The following VPS13A variants were observed in gnomAD, a reference collection of about 807,000 sequenced individuals.
The protein encoded by VPS13A is intermembrane lipid transfer protein VPS13A.
VPS13A carries 264 observed loss-of-function variants against 390.9 expected under a neutral mutation model. The ratio of observed to expected loss-of-function variants is 0.68; its 90% CI spans 0.61 to 0.75. VPS13A has a LOEUF of 0.75. Ranked by LOEUF, VPS13A falls within the 30% of genes least tolerant of loss-of-function variation. The pLI is 0.00. For synonymous variants in VPS13A, 1,231 were observed against 1,227.1 expected (o/e 1.00, Z -0.07); for missense variants, 3,409 against 3,733.9 (o/e 0.91, Z 2.27).
At chr9:77,204,693 C>T (rs7866780) in intron 3 of VPS13A, among the ~76,000 whole-genome samples, 205 of 152,236 alleles carry the variant, frequency 1.3e-3, no homozygotes, top group African/African-American at 4.7e-3. Flanking sequence ...GTAGCATGAT[C>T]ATGGCTCACT....
chr9:77,286,713 A>C (rs1347878387), intron 31 of VPS13A, among the ~76,000 whole-genome samples: 1 of 152,172 alleles, frequency 6.6e-6, no homozygotes, highest in Non-Finnish European at 1.5e-5. Context: ...TAGACATCAC[A>C]GTTGATGGTC....
intron 31 of VPS13A, among the ~76,000 whole-genome samples, chr9:77,286,491 A>G (rs1472611628): frequency 6.6e-6 from 1 of 152,174 alleles, no homozygotes; most frequent in Non-Finnish European, 1.5e-5. Flanking sequence ...ATCCTTATTT[A>G]TATTTGCAGG....
intron 32 of VPS13A, among the ~76,000 whole-genome samples, chr9:77,295,279 T>G (rs1827914002): frequency 6.6e-6 from 1 of 152,142 alleles, no homozygotes; most frequent in Admixed American, 6.5e-5. Flanking sequence ...ATAAGGGAAG[T>G]AGATATCTGT....
intron 1 of VPS13A, among the ~76,000 whole-genome samples, chr9:77,179,991 A>G (rs1172935890): frequency 6.6e-6 from 1 of 152,080 alleles, no homozygotes; most frequent in Non-Finnish European, 1.5e-5. Context: ...GGCTTCTTTA[A>G]CCTAATGTAT....
At chr9:77,193,626 T>A (rs1824816623) in intron 1 of VPS13A, among the ~76,000 whole-genome samples, 1 of 152,054 alleles carries the variant, frequency 6.6e-6, no homozygotes, top group Non-Finnish European at 1.5e-5. Flanking sequence ...AGGGCAAAAC[T>A]CTCTCTTCAA....
intron 12 of VPS13A, 104 bp from the exon 13 acceptor site, chr9:77,221,081 A>T: frequency 9.0e-7 from 1 of 1,113,860 alleles, no homozygotes; most frequent in Non-Finnish European, 1.3e-6. Context: ...TCATTTTCCT[A>T]ATCTTTGTAT....
chr9:77,412,606 A>C (rs1462719693), intron 71 of VPS13A, among the ~76,000 whole-genome samples: 1 of 152,216 alleles, frequency 6.6e-6, no homozygotes, highest in Non-Finnish European at 1.5e-5. Context: ...TCTCAAAATA[A>C]TAAGAGCTAT....
intron 52 of VPS13A, among the ~76,000 whole-genome samples, chr9:77,350,346 T>A (rs1419015475): frequency 6.6e-6 from 1 of 152,182 alleles, no homozygotes; most frequent in Non-Finnish European, 1.5e-5. Context: ...AACAAAAAAA[T>A]GACTTTCTTA....
intron 1 of VPS13A, chr9:77,178,190 G>T: frequency 3.7e-6 from 1 of 273,250 alleles, no homozygotes; most frequent in Non-Finnish European, 7.1e-6. Flanking sequence ...TCCTGGGCTG[G>T]GTCCCATCCC....
intron 31 of VPS13A, among the ~76,000 whole-genome samples, chr9:77,290,789 C>A (rs1827607028): frequency 6.6e-6 from 1 of 152,112 alleles, no homozygotes; most frequent in Non-Finnish European, 1.5e-5. Flanking sequence ...CCCTTTGACT[C>A]TTCTTTTTTC....
intron 19 of VPS13A, among the ~76,000 whole-genome samples, chr9:77,243,068 T>A (rs1289590676): frequency 6.6e-6 from 1 of 152,124 alleles, no homozygotes; most frequent in Non-Finnish European, 1.5e-5. Flanking sequence ...GTGAAGAGAC[T>A]CATATATATT....
rs144845959 is a variant in VPS13A, at chr9:77,273,398, T to C, written c.2512+34T>C. The C allele has an allele frequency of 2.6e-6, 4 of 1,510,572 alleles. No homozygotes were observed. The African/African-American group carries it at 4.2e-5, about 16-fold the overall frequency. The allele number at this position is 1,510,572 out of a possible 1,614,324, so 93.6% of individuals were successfully genotyped here. ...AAACTGCTTAAGGATATTTTTCTTATTTTATTAAAATAATTTCTGTTTTGA... is the reference window on the plus strand; with the variant it reads ...AAACTGCTTAAGGATATTTTTCTTACTTTATTAAAATAATTTCTGTTTTGA... On this transcript the variant is annotated intron_variant, in intron 24 of 71. Coordinates refer to ENST00000360280, the MANE Select transcript of VPS13A (RefSeq NM_033305.3).
intron 1 of VPS13A, among the ~76,000 whole-genome samples, chr9:77,188,210 GC>G (rs1824464108): frequency 6.6e-6 from 1 of 152,142 alleles, no homozygotes; most frequent in Non-Finnish European, 1.5e-5. Flanking sequence ...GCAGATAGAT[GC>G]TGGTGCCATG....
chr9:77,366,935 ATTTCGT>A, intron 61 of VPS13A, 63 bp downstream of exon 61: 1 of 1,557,430 alleles, frequency 6.4e-7, no homozygotes, highest in Admixed American at 1.8e-5. Context: ...GTCCCTAAAA[ATTTCGT>A]AAATGAAAAA....
chr9:77,363,304 A>G (rs556201889), intron 59 of VPS13A, among the ~76,000 whole-genome samples: 1 of 146,048 alleles, frequency 6.8e-6, no homozygotes, highest in South Asian at 2.2e-4. Context: ...AATCATGATT[A>G]TATATTTTGT....
At chr9:77,371,266 A>G (rs954318693) in intron 67 of VPS13A, 117 bp downstream of exon 67, 2 of 1,315,642 alleles carry the variant, frequency 1.5e-6, no homozygotes, top group Non-Finnish European at 2.1e-6. Flanking sequence ...CTGCTATAAC[A>G]TACCACATAA....
intron 17 of VPS13A, among the ~76,000 whole-genome samples, chr9:77,229,067 G>T (rs1413048891): frequency 6.6e-6 from 1 of 151,938 alleles, no homozygotes; most frequent in Non-Finnish European, 1.5e-5. Context: ...TCTAATTCTA[G>T]AACTTTATTT....
chr9:77,229,934 T>C (rs1314153226), intron 17 of VPS13A, among the ~76,000 whole-genome samples: 1 of 152,198 alleles, frequency 6.6e-6, no homozygotes, highest in East Asian at 1.9e-4. Context: ...ACACTTGTTA[T>C]TATCTGTTCT....
chr9:77,224,546 G>A (rs1429783393), intron 13 of VPS13A, among the ~76,000 whole-genome samples: 1 of 152,184 alleles, frequency 6.6e-6, no homozygotes, highest in African/African-American at 2.4e-5. Context: ...CACTGCAGAT[G>A]TGGTGGAAAT....
Sources: gnomAD v4.1 joint callset for allele counts (sites outside exome capture counted in the v4.1 genomes callset) on GRCh38, gnomAD v4.1.1 for gene constraint, MANE v1.5 for transcripts, NCBI Gene and HGNC (gene_info 2026-07-23, HGNC 2026-07-21) for gene names.